MYLK: variants seen among roughly 807,000 people sequenced by gnomAD.
MYLK encodes the protein myosin light chain kinase, smooth muscle.
MYLK carries 106 observed loss-of-function variants against 203.4 expected under a neutral mutation model. That is an observed-to-expected ratio of 0.52 (90% CI 0.45 to 0.61). MYLK has a LOEUF of 0.61. Ranked by LOEUF, MYLK falls within the 20% of genes least tolerant of loss-of-function variation. MYLK has a pLI of 0.00. For missense variants in MYLK, 2,072 were observed against 2,442.3 expected (o/e 0.85, Z 3.20); for synonymous variants, 867 against 959.5 (o/e 0.90, Z 1.78).
intron 18 of MYLK, among the ~76,000 whole-genome samples, chr3:123,694,782 G>A (rs1460234283): frequency 5.9e-5 from 9 of 152,268 alleles, no homozygotes. Flanking sequence ...CCCAGAGCCT[G>A]GACCCCTGGC....
At chr3:123,853,797 G>A (rs1362213828) in intron 2 of MYLK, among the ~76,000 whole-genome samples, 1 of 152,058 alleles carries the variant, frequency 6.6e-6, no homozygotes, top group African/African-American at 2.4e-5. Context: ...GAGAAATGAG[G>A]CCAAAGAGCA....
chr3:123,792,136 G>C (rs2064805913), intron 4 of MYLK, among the ~76,000 whole-genome samples: 1 of 152,136 alleles, frequency 6.6e-6, no homozygotes, highest in Non-Finnish European at 1.5e-5. Context: ...ATGACACCAA[G>C]GTCAGCAAAG....
intron 13 of MYLK, among the ~76,000 whole-genome samples, chr3:123,720,877 T>C (rs1171651392): frequency 6.6e-6 from 1 of 152,206 alleles, no homozygotes; most frequent in East Asian, 1.9e-4. Flanking sequence ...CAGTGGCCAG[T>C]CTTCCCCTTT....
At position 123,638,288 on chromosome 3, in the gene MYLK, G is replaced by C. The variant is rs1168186077; in HGVS notation, c.4838-94C>G. On this transcript the variant is annotated intron_variant, in intron 28 of 33. Transcript: ENST00000360304. The stretch of plus-strand genomic sequence containing the variant: ...CGAATCTGTGTGTTGACCCCAACCT[G>C]GGAGGGGCCAGACACAGGCTTTGGC... 1.2e-5 allele frequency: 19 copies of C among 1,567,018 alleles called. No homozygotes were observed. In the South Asian group the frequency reaches 1.6e-4, roughly 13 times the overall value.
intron 4 of MYLK, among the ~76,000 whole-genome samples, chr3:123,752,904 A>T (rs1406139840): frequency 6.6e-6 from 1 of 152,210 alleles, no homozygotes; most frequent in African/African-American, 2.4e-5. Context: ...GGGATTCTAG[A>T]CCAGTGCTTC....
chr3:123,786,074 G>A (rs1324323536), intron 4 of MYLK, among the ~76,000 whole-genome samples: 2 of 152,014 alleles, frequency 1.3e-5, no homozygotes, highest in African/African-American at 4.8e-5. Context: ...AGGCCGAGGT[G>A]GGCGGATCAC....
intron 7 of MYLK, among the ~76,000 whole-genome samples, chr3:123,738,187 A>C (rs186486030): frequency 3.0e-4 from 46 of 152,268 alleles, no homozygotes; most frequent in Non-Finnish European, 1.3e-4. Flanking sequence ...AAGAAGTCAA[A>C]TGACTTATCC....
intron 3 of MYLK, chr3:123,831,276 T>C (rs2148622867): frequency 2.1e-6 from 2 of 958,892 alleles, no homozygotes; most frequent in Non-Finnish European, 2.8e-6. Context: ...CCGCAGGCCC[T>C]TAATCTTGTT....
chr3:123,664,309 G>T (rs2059664293), intron 22 of MYLK, 51 bp from the exon 23 acceptor site: 1 of 1,612,612 alleles, frequency 6.2e-7, no homozygotes, highest in African/African-American at 1.3e-5. Context: ...CCTGGGCTAG[G>T]AAAGGAAGGG....
intron 6 of MYLK, among the ~76,000 whole-genome samples, 174 bp downstream of exon 6, chr3:123,739,779 C>A (rs2108819688): frequency 6.6e-6 from 1 of 152,342 alleles, no homozygotes; most frequent in East Asian, 1.9e-4. Flanking sequence ...GAGCCAATCA[C>A]AGAGGCAGCC....
In MYLK at chr3:123,640,193, C is replaced by T. The variant is rs1343553132; in HGVS notation, c.4837+94G>A. ...AAGTCTTCATGGTCTCGGATTTAAC[C>T]CCAATACTGTATGTTTCCTCTCACA... On this transcript the variant is annotated intron_variant, in intron 28 of 33. Transcript: ENST00000360304. The surrounding 1 kb of genome is among the most constrained non-coding windows in gnomAD (Gnocchi z 4.3). The T allele has an allele frequency of 4.9e-6, 6 of 1,222,678 alleles. No individual in the cohort carries two copies. The highest frequency in any genetic ancestry group is 7.2e-6 in the Non-Finnish European group (6 of 830,200). 75.7% of individuals were successfully genotyped at this position (1,222,678 alleles called of 1,614,324 possible). A position where few individuals can be genotyped will look rare whatever the true frequency, so the allele number is the denominator to read the frequency against.
chr3:123,793,996 A>G (rs1022508205), intron 3 of MYLK, 152 bp from the exon 4 acceptor site: 1 of 794,232 alleles, frequency 1.3e-6, no homozygotes. Flanking sequence ...TCCTCTGTGA[A>G]GATGAGAGGC....
In MYLK at chr3:123,852,795, G is replaced by GTA. The variant is rs2030963602; in HGVS notation, c.-126-21127_-126-21126dup. Reference sequence around the variant, plus strand: ...GGAGCTCTTAACTGCATATGCTAAAGTATGGCAAGACAAAGGTGAGCTAAA... The same window carrying GTA: ...GGAGCTCTTAACTGCATATGCTAAAGTATATGGCAAGACAAAGGTGAGCTAAA... On this transcript the variant is annotated intron_variant, in intron 2 of 33. Coordinates refer to ENST00000360304, the MANE Select transcript of MYLK (RefSeq NM_053025.4). Among the ~76,000 whole-genome samples, 3 of 152,124 alleles carry GTA rather than the reference G, an allele frequency of 2.0e-5. No homozygotes were observed. In the South Asian group the frequency reaches 6.2e-4, roughly 31 times the overall value.
intron 4 of MYLK, among the ~76,000 whole-genome samples, chr3:123,786,040 C>T (rs1485403447): frequency 3.3e-5 from 5 of 152,022 alleles, no homozygotes; most frequent in East Asian, 1.9e-4. Flanking sequence ...CAGTGGCTCA[C>T]GCCTGTAATC....
chr3:123,697,696 T>C (rs1344822797), intron 18 of MYLK, among the ~76,000 whole-genome samples: 2 of 152,208 alleles, frequency 1.3e-5, no homozygotes, highest in African/African-American at 2.4e-5. Flanking sequence ...AGGCCTAAGA[T>C]AGTGTCTAAC....
chr3:123,766,358 G>A (rs548542648), intron 4 of MYLK, among the ~76,000 whole-genome samples: 15 of 152,306 alleles, frequency 9.8e-5, no homozygotes, highest in African/African-American at 3.6e-4. Context: ...GAAGTGGCTC[G>A]CAGCCTCGAG....
At chr3:123,625,378 C>G (rs371836641) in intron 31 of MYLK, 1 of 152,000 alleles carries the variant, frequency 6.6e-6, no homozygotes, top group Admixed American at 6.6e-5. Context: ...CATGTCCTCT[C>G]AATTGCTTGA....
rs1158041708 is a variant in MYLK at position 123,622,527 on chromosome 3, C to CT, written c.5239-2192dup. 7.2e-5 allele frequency: 11 copies of CT among 152,272 alleles called. No individual in the cohort carries two copies. The East Asian group carries it at 1.7e-3, about 24-fold the overall frequency. 9.4% of individuals were successfully genotyped at this position (152,272 alleles called of 1,614,324 possible). A position where few individuals can be genotyped will look rare whatever the true frequency, so the allele number is the denominator to read the frequency against. ...CCTGTGTGGTGTGGCGAGACGATGTCTTTTTTCTTCCAGATTTTATTTCAT... is the reference window on the plus strand; with the variant it reads ...CCTGTGTGGTGTGGCGAGACGATGTCTTTTTTTCTTCCAGATTTTATTTCAT... On this transcript the variant is annotated intron_variant, in intron 31 of 33. Coordinates refer to ENST00000360304, the MANE Select transcript of MYLK (RefSeq NM_053025.4).
intron 19 of MYLK, among the ~76,000 whole-genome samples, chr3:123,688,756 T>C (rs967199288): frequency 5.3e-5 from 8 of 152,194 alleles, no homozygotes; most frequent in Non-Finnish European, 1.2e-4. Context: ...CTCAGGGCTA[T>C]GCTCTTGTTG....
Sources: allele counts gnomAD v4.1 joint callset (sites outside exome capture counted in the v4.1 genomes callset), GRCh38; gene constraint gnomAD v4.1.1; non-coding constraint Gnocchi (gnomAD v3.1); transcripts MANE v1.5; gene names NCBI Gene and HGNC (gene_info 2026-07-23, HGNC 2026-07-21).